JAK2: variants seen among roughly 807,000 people sequenced by gnomAD.
JAK2 encodes the protein tyrosine-protein kinase JAK2.
JAK2 carries 86 observed loss-of-function variants against 139.3 expected under a neutral mutation model. The observed-to-expected ratio is 0.62, with a 90% CI of 0.52 to 0.74. JAK2 has a LOEUF of 0.74. JAK2 is among the 30% of genes least tolerant of loss of function. The probability of loss-of-function intolerance (pLI) is 0.00; values close to 1 mark genes in which losing one functional copy is unlikely to be tolerated. For missense variants in JAK2, 1,421 were observed against 1,360.3 expected (o/e 1.04, Z -0.70); for synonymous variants, 490 against 437.7 (o/e 1.12, Z -1.49).
At chr9:5,067,701 T>C (rs1209243883) in intron 10 of JAK2, among the ~76,000 whole-genome samples, 1 of 152,070 alleles carries the variant, frequency 6.6e-6, no homozygotes, top group Non-Finnish European at 1.5e-5. Context: ...AAGCCTAATA[T>C]GAGAGCTATG....
intron 16 of JAK2, among the ~76,000 whole-genome samples, chr9:5,079,458 T>C (rs1275658694): frequency 6.6e-6 from 1 of 151,970 alleles, no homozygotes; most frequent in Non-Finnish European, 1.5e-5. Context: ...TTTGGTGCAA[T>C]TTAGCCTTCC....
At chr9:5,111,872 C>G in intron 22 of JAK2, 1 of 378,198 alleles carries the variant, frequency 2.6e-6, no homozygotes, top group Non-Finnish European at 5.2e-6. Flanking sequence ...TCCCGAGGGA[C>G]CACAGCCAGC....
intron 19 of JAK2, chr9:5,085,732 A>AT: frequency 2.7e-6 from 2 of 754,130 alleles, no homozygotes; most frequent in East Asian, 4.9e-5. Flanking sequence ...TCTGCAATTA[A>AT]GGCTGTGGCG....
At position 5,128,429 on chromosome 9, in the gene JAK2, C is replaced by G. The variant is rs553915367; in HGVS notation, c.*1638C>G. ...AAGACTCCTCAAGGATTTGTATATG[C>G]AACACAGTAAGGAGATCTTCCATTT... On this transcript the variant is annotated 3_prime_UTR_variant, in exon 25 of 25. Coordinates refer to ENST00000381652, the MANE Select transcript of JAK2 (RefSeq NM_004972.4). Among the ~76,000 whole-genome samples, 4 of 151,668 alleles carry G rather than the reference C, an allele frequency of 2.6e-5. No homozygotes were observed. The highest frequency in any genetic ancestry group is 7.2e-5 in the African/African-American group (3 of 41,392).
Position 5,029,824 on chromosome 9 carries a change from G to A in JAK2, c.268G>A (p.Glu90Lys). The A allele has an allele frequency of 6.2e-7, 1 of 1,611,258 alleles. No individual in the cohort carries two copies. Among genetic ancestry groups the A allele is most frequent in the Non-Finnish European group, 8.5e-7 (1 of 1,177,900 alleles). Reference protein sequence around the residue: ...VYHNMFALMSETERIWYPPNH... With the variant: ...VYHNMFALMSKTERIWYPPNH... ...TCATAATATGTTTGCTTTAATGAGT[G>A]AAACAGAAAGGATCTGGTATCCACC... Residue 90 changes from glutamate to lysine, a missense_variant, in exon 4 of 25, where the codon GAA becomes AAA. Coordinates refer to ENST00000381652, the MANE Select transcript of JAK2 (RefSeq NM_004972.4).
chr9:5,090,681 A>T, intron 21 of JAK2, 58 bp from the exon 22 acceptor site: 1 of 1,541,592 alleles, frequency 6.5e-7, no homozygotes, highest in South Asian at 1.3e-5. Flanking sequence ...TAGGGTTAAG[A>T]CCATTTAAAT....
At position 5,081,897 on chromosome 9, in the gene JAK2, C is replaced by G. The variant is rs1563985357; in HGVS notation, c.2571+36C>G. ...AGAATTTTTTCAAATAGAGTATAAT[C>G]ATTTCATTTAGGAAAAACTTAAGAG... is the stretch of plus-strand genomic sequence containing the variant. On this transcript the variant is annotated intron_variant, in intron 19 of 24. Coordinates refer to ENST00000381652, the MANE Select transcript of JAK2 (RefSeq NM_004972.4). 9.7e-6 allele frequency: 15 copies of G among 1,544,330 alleles called. No homozygotes were observed. The East Asian group carries it at 1.3e-4, about 14-fold the overall frequency.
chr9:5,027,555 T>C (rs1822858854), intron 3 of JAK2, among the ~76,000 whole-genome samples: 1 of 152,134 alleles, frequency 6.6e-6, no homozygotes, highest in African/African-American at 2.4e-5. Context: ...ACAATGAAGG[T>C]TGCTGCATCA....
At chr9:5,038,716 A>G (rs960132272) in intron 4 of JAK2, among the ~76,000 whole-genome samples, 3 of 151,890 alleles carry the variant, frequency 2.0e-5, no homozygotes, top group African/African-American at 7.3e-5. Context: ...ACATCAGGTT[A>G]GCGCTCTAAA....
intron 5 of JAK2, among the ~76,000 whole-genome samples, chr9:5,049,877 G>C (rs1817291752): frequency 6.6e-6 from 1 of 152,094 alleles, no homozygotes; most frequent in African/African-American, 2.4e-5. Flanking sequence ...AATATTGTAG[G>C]CACTTGTAAC....
intron 2 of JAK2, among the ~76,000 whole-genome samples, chr9:5,012,318 T>C (rs1335728312): frequency 1.3e-5 from 2 of 152,198 alleles, no homozygotes; most frequent in African/African-American, 4.8e-5. Context: ...ATCCCCCCGA[T>C]TTGTATCTGC....
At chr9:5,019,266 A>G (rs1245054837) in intron 2 of JAK2, among the ~76,000 whole-genome samples, 1 of 151,912 alleles carries the variant, frequency 6.6e-6, no homozygotes, top group Non-Finnish European at 1.5e-5. Flanking sequence ...TTTTTGTCTA[A>G]TGGGGTTATT....
chr9:5,084,996 C>A, intron 19 of JAK2: 1 of 847,810 alleles, frequency 1.2e-6, no homozygotes, highest in South Asian at 1.3e-5. Context: ...AAAGAGTTGT[C>A]ATTTATGTCT....
intron 8 of JAK2, among the ~76,000 whole-genome samples, chr9:5,062,775 A>AATAATGCTGTCCTGTTAT (rs1243766234): frequency 1.2e-4 from 18 of 152,154 alleles, no homozygotes; most frequent in Non-Finnish European, 2.1e-4. Flanking sequence ...CAATGGGCAA[A>AATAATGCTGTCCTGTTAT]ATAATGCTGT....
chr9:4,997,607 G>T (rs1820654668), intron 2 of JAK2, among the ~76,000 whole-genome samples: 1 of 152,146 alleles, frequency 6.6e-6, no homozygotes, highest in Admixed American at 6.5e-5. Context: ...GGATTACAGT[G>T]CAACACATGA....
At chr9:5,012,016 C>T (rs943546930) in intron 2 of JAK2, among the ~76,000 whole-genome samples, 1 of 152,200 alleles carries the variant, frequency 6.6e-6, no homozygotes, top group Non-Finnish European at 1.5e-5. Context: ...AGATTTCTAG[C>T]TATTGCCTGT....
intron 4 of JAK2, among the ~76,000 whole-genome samples, chr9:5,039,652 A>C (rs1576271): frequency 0.25 from 38,021 of 152,008 alleles, 5,011 homozygotes; most frequent in South Asian, 0.31. Context: ...GCAGAATAGA[A>C]GATCAATATA....
intron 2 of JAK2, among the ~76,000 whole-genome samples, chr9:5,011,004 G>T (rs77415099): frequency 6.6e-6 from 1 of 152,050 alleles, no homozygotes; most frequent in Non-Finnish European, 1.5e-5. Flanking sequence ...TCTATTTCTT[G>T]TCTTGGTTCT....
At chr9:5,114,269 G>T in intron 22 of JAK2, 1 of 545,016 alleles carries the variant, frequency 1.8e-6, no homozygotes, top group East Asian at 4.5e-5. Context: ...TGGTGGACCT[G>T]GCACCCAGCA....
Sources: allele counts gnomAD v4.1 joint callset (sites outside exome capture counted in the v4.1 genomes callset), GRCh38; gene constraint gnomAD v4.1.1; transcripts MANE v1.5; gene names NCBI Gene and HGNC (gene_info 2026-07-23, HGNC 2026-07-21).